ATP6V0A4: variants seen among roughly 807,000 people sequenced by gnomAD.
ATP6V0A4 encodes V-type proton ATPase 116 kDa subunit a 4.
A neutral mutation model predicts 107.3 loss-of-function variants in ATP6V0A4; 86 were observed. The observed-to-expected ratio is 0.80, with a 90% CI of 0.67 to 0.96. ATP6V0A4 has a LOEUF of 0.96. ATP6V0A4 is among the 40% of genes least tolerant of loss of function. The pLI is 0.00. For synonymous variants in ATP6V0A4, 353 were observed against 381.4 expected (o/e 0.93, Z 0.87); for missense variants, 908 against 1,045.6 (o/e 0.87, Z 1.81).
intron 14 of ATP6V0A4, among the ~76,000 whole-genome samples, chr7:138,741,657 T>C (rs1361657278): frequency 2.0e-5 from 3 of 152,196 alleles, no homozygotes; most frequent in African/African-American, 2.4e-5. Flanking sequence ...CATCCCCGCC[T>C]CCTAACAAAG....
intron 11 of ATP6V0A4, among the ~76,000 whole-genome samples, chr7:138,752,388 ACC>A (rs1806277943): frequency 7.8e-6 from 1 of 128,294 alleles, no homozygotes; most frequent in Admixed American, 7.8e-5. Context: ...TTTTAAAAAA[ACC>A]TCAATACGTA....
At position 138,707,166 on chromosome 7, in the gene ATP6V0A4, TTA is replaced by T. The variant is rs1387150525; in HGVS notation, c.2430-451_2430-450del. Among the ~76,000 whole-genome samples, 11 of 74,580 alleles carry T rather than the reference TTA, an allele frequency of 1.5e-4. 1 individual carries two copies. Among genetic ancestry groups the T allele is most frequent in the South Asian group, 3.3e-4 (1 of 3,066 alleles). The allele number at this position is 74,580 out of a possible 152,430, so 48.9% of individuals were successfully genotyped here. A position where few individuals can be genotyped will look rare whatever the true frequency, so the allele number is the denominator to read the frequency against. On this transcript the variant is annotated intron_variant, in intron 21 of 21. Coordinates refer to ENST00000310018, the MANE Select transcript of ATP6V0A4 (RefSeq NM_020632.3). ...TATTAATATATTAATATATAATATA[TTA>T]TATATATTATATAATATATTATATA...
intron 18 of ATP6V0A4, among the ~76,000 whole-genome samples, chr7:138,727,232 T>C (rs1804770322): frequency 1.3e-5 from 2 of 152,004 alleles, no homozygotes; most frequent in Non-Finnish European, 2.9e-5. Context: ...TGAGCTATGA[T>C]TGTGCTGGTG....
intron 10 of ATP6V0A4, among the ~76,000 whole-genome samples, chr7:138,753,946 A>G (rs1408938009): frequency 6.6e-6 from 1 of 152,184 alleles, no homozygotes; most frequent in Non-Finnish European, 1.5e-5. Context: ...GCCCCTGCAG[A>G]AGCTGCTCAG....
chr7:138,771,314 G>A, intron 2 of ATP6V0A4, 50 bp from the exon 3 acceptor site: 1 of 1,586,852 alleles, frequency 6.3e-7, no homozygotes. Flanking sequence ...ATAAATGTGT[G>A]AAAACCTTAG....
chr7:138,778,907 G>A (rs1807796880), intron 2 of ATP6V0A4, among the ~76,000 whole-genome samples: 1 of 152,182 alleles, frequency 6.6e-6, no homozygotes, highest in Non-Finnish European at 1.5e-5. Flanking sequence ...TGATGGTGAA[G>A]ATCACATGCA....
intron 18 of ATP6V0A4, among the ~76,000 whole-genome samples, chr7:138,724,707 T>C (rs962174797): frequency 2.6e-5 from 4 of 152,218 alleles, no homozygotes; most frequent in African/African-American, 4.8e-5. Context: ...CTTCAACTTA[T>C]AGAAGAAAAT....
chr7:138,784,814 C>T (rs753314623), intron 2 of ATP6V0A4, among the ~76,000 whole-genome samples: 2 of 152,170 alleles, frequency 1.3e-5, no homozygotes, highest in Non-Finnish European at 2.9e-5. Context: ...GTCTGGGGCA[C>T]ACTGCCAGTT....
At chr7:138,726,292 G>T (rs1227285760) in intron 18 of ATP6V0A4, among the ~76,000 whole-genome samples, 3 of 152,216 alleles carry the variant, frequency 2.0e-5, no homozygotes, top group Admixed American at 2.0e-4. Context: ...CCCGGCCGAA[G>T]ATTTTAAATA....
intron 20 of ATP6V0A4, among the ~76,000 whole-genome samples, chr7:138,712,479 A>G (rs1468578016): frequency 6.6e-6 from 1 of 152,156 alleles, no homozygotes; most frequent in Non-Finnish European, 1.5e-5. Flanking sequence ...TGACCAGTGC[A>G]GGAGGCTAAC....
intron 2 of ATP6V0A4, among the ~76,000 whole-genome samples, chr7:138,782,067 T>G (rs1234749304): frequency 6.6e-6 from 1 of 152,150 alleles, no homozygotes; most frequent in Non-Finnish European, 1.5e-5. Context: ...GTGTATGAGT[T>G]TCCTAGGACT....
intron 18 of ATP6V0A4, among the ~76,000 whole-genome samples, chr7:138,723,680 C>T (rs1804555495): frequency 6.6e-6 from 1 of 151,924 alleles, no homozygotes; most frequent in South Asian, 2.1e-4. Context: ...CACCCACCAC[C>T]ACGCCCAGCT....
intron 21 of ATP6V0A4, among the ~76,000 whole-genome samples, chr7:138,708,848 T>C (rs181585830): frequency 5.3e-5 from 8 of 151,994 alleles, no homozygotes; most frequent in East Asian, 1.9e-4. Flanking sequence ...CTGAGGCAGA[T>C]GAATCACTTG....
intron 19 of ATP6V0A4, among the ~76,000 whole-genome samples, chr7:138,720,907 G>T (rs1281536836): frequency 6.6e-6 from 1 of 152,146 alleles, no homozygotes; most frequent in Non-Finnish European, 1.5e-5. Flanking sequence ...AAAGTGCTGG[G>T]ATTACAGGTA....
chr7:138,752,245 C>T (rs1261988257), intron 11 of ATP6V0A4, among the ~76,000 whole-genome samples: 3 of 152,048 alleles, frequency 2.0e-5, no homozygotes, highest in African/African-American at 4.8e-5. Flanking sequence ...TAGGGCGCAC[C>T]TGTAATCCCA....
At chr7:138,726,425 C>T (rs1804728995) in intron 18 of ATP6V0A4, among the ~76,000 whole-genome samples, 1 of 152,222 alleles carries the variant, frequency 6.6e-6, no homozygotes, top group Admixed American at 6.5e-5. Context: ...CAAGGGCTCT[C>T]GGAAGGAGAT....
intron 11 of ATP6V0A4, among the ~76,000 whole-genome samples, chr7:138,750,311 C>G (rs1174882813): frequency 1.3e-5 from 2 of 151,946 alleles, no homozygotes; most frequent in Non-Finnish European, 2.9e-5. Flanking sequence ...AGTGCAGTAA[C>G]ATGATCATAG....
At position 138,763,029 on chromosome 7, in the gene ATP6V0A4, T is replaced by TGCAGGAAGGAAAAAGAAGGTAAGCCA; in HGVS notation, c.292-30_292-5dup. The TGCAGGAAGGAAAAAGAAGGTAAGCCA allele has an allele frequency of 6.2e-7, 1 of 1,613,948 alleles. No homozygotes were observed. The highest frequency in any genetic ancestry group is 8.5e-7 in the Non-Finnish European group (1 of 1,179,996). On this transcript the variant is annotated splice_region_variant and splice_polypyrimidine_tract_variant and intron_variant, in intron 5 of 21. Transcript: ENST00000310018. ...CTTCCAGTTTTTCTAGAACAGTCTA[T>TGCAGGAAGGAAAAAGAAGGTAAGCCA]GCAGGAAGGAAAAAGAAGGTAAGCC...
chr7:138,776,531 GCC>G (rs1807665515), intron 2 of ATP6V0A4, among the ~76,000 whole-genome samples: 1 of 152,182 alleles, frequency 6.6e-6, no homozygotes, highest in South Asian at 2.1e-4. Flanking sequence ...GGCACTAGGA[GCC>G]CTGGCCTCAA....
Sources: allele counts gnomAD v4.1 joint callset (sites outside exome capture counted in the v4.1 genomes callset), GRCh38; gene constraint gnomAD v4.1.1; transcripts MANE v1.5; gene names NCBI Gene and HGNC (gene_info 2026-07-23, HGNC 2026-07-21).